Variants in MSRA observed in about 807,000 individuals in gnomAD.
The protein encoded by MSRA is methionine sulfoxide reductase A.
MSRA carries 54 observed loss-of-function variants against 31.3 expected under a neutral mutation model. That is an observed-to-expected ratio of 1.73 (90% CI 1.39 to 2.17). The LOEUF is 2.17. Ranked by LOEUF, MSRA falls within the 30% of genes most tolerant of loss-of-function variation. The pLI, the probability that MSRA is intolerant of heterozygous loss-of-function variation, is 0.00. For synonymous variants in MSRA, 169 were observed against 116.5 expected, an observed-to-expected ratio of 1.45 and a Z score of -2.90; for missense variants, 507 against 300.9, an observed-to-expected ratio of 1.69 and a Z score of -5.07.
Position 10,211,614 on chromosome 8 carries a change from G to C in MSRA, c.211+3713G>C, listed in dbSNP as rs1479269652. ...TTGGCTCTCACCCATTTGATCTTTAGAGCGCCCGCCCTGTGTAGTGGGCAT... is the reference window on the plus strand; with the variant it reads ...TTGGCTCTCACCCATTTGATCTTTACAGCGCCCGCCCTGTGTAGTGGGCAT... On this transcript the variant is annotated intron_variant, in intron 2 of 5. Transcript: ENST00000317173. Among the ~76,000 whole-genome samples the C allele has an allele frequency of 2.0e-5, 3 of 152,188 alleles. No individual in the cohort carries two copies. In the East Asian group the frequency reaches 5.8e-4, roughly 29 times the overall value.
chr8:10,096,405 T>A, intron 1 of MSRA: 1 of 513,952 alleles, frequency 1.9e-6, no homozygotes, highest in Non-Finnish European at 2.5e-6. Context: ...CTAAGAGATG[T>A]ATGCGATTAG....
chr8:10,428,110 A>G (rs760942085), intron 5 of MSRA, 38 bp from the exon 6 acceptor site: 1 of 1,595,190 alleles, frequency 6.3e-7, no homozygotes, highest in East Asian at 2.2e-5. Flanking sequence ...CTGTCTCTCT[A>G]GCATGGGAGC....
At chr8:10,369,375 G>A (rs1350517675) in intron 5 of MSRA, among the ~76,000 whole-genome samples, 1 of 152,076 alleles carries the variant, frequency 6.6e-6, no homozygotes, top group Non-Finnish European at 1.5e-5. Context: ...TAATGGTTGA[G>A]TGCTTTAATT....
intron 1 of MSRA, among the ~76,000 whole-genome samples, chr8:10,122,859 C>A (rs1801226808): frequency 6.6e-6 from 1 of 152,186 alleles, no homozygotes; most frequent in Non-Finnish European, 1.5e-5. Context: ...CTGCGAAAGA[C>A]ATGATGTCGT....
At chr8:10,157,122 A>G (rs1442004991) in intron 1 of MSRA, among the ~76,000 whole-genome samples, 1 of 151,970 alleles carries the variant, frequency 6.6e-6, no homozygotes, top group Non-Finnish European at 1.5e-5. Context: ...ATTTACCTAT[A>G]TGTTCATCCT....
intron 5 of MSRA, among the ~76,000 whole-genome samples, chr8:10,386,102 G>T (rs1806375343): frequency 6.6e-6 from 1 of 152,206 alleles, no homozygotes. Flanking sequence ...TGAAGTGCCT[G>T]TGTGCCATTG....
chr8:10,227,809 T>C (rs1360529875), intron 2 of MSRA, among the ~76,000 whole-genome samples: 1 of 152,264 alleles, frequency 6.6e-6, no homozygotes, highest in African/African-American at 2.4e-5. Context: ...ATATGGTTTC[T>C]TTTATTAGCA....
At chr8:10,343,034 C>G (rs956736337) in intron 5 of MSRA, among the ~76,000 whole-genome samples, 5 of 107,732 alleles carry the variant, frequency 4.6e-5, no homozygotes, top group Admixed American at 2.4e-4. Context: ...CACACACACA[C>G]ACACACACAC....
chr8:10,403,397 T>C (rs1807587821), intron 5 of MSRA, among the ~76,000 whole-genome samples: 2 of 152,160 alleles, frequency 1.3e-5, no homozygotes, highest in Non-Finnish European at 2.9e-5. Flanking sequence ...ATGCCATACT[T>C]GCTGGAAGCT....
At chr8:10,359,928 C>A (rs1804744977) in intron 5 of MSRA, among the ~76,000 whole-genome samples, 1 of 152,146 alleles carries the variant, frequency 6.6e-6, no homozygotes, top group African/African-American at 2.4e-5. Flanking sequence ...TGCAGCTGGC[C>A]CTCTGAGATG....
intron 5 of MSRA, among the ~76,000 whole-genome samples, chr8:10,407,974 A>G (rs1330774469): frequency 2.0e-5 from 3 of 152,180 alleles, no homozygotes; most frequent in Non-Finnish European, 4.4e-5. Context: ...TAGGATTGCA[A>G]AGAAGAACCA....
At chr8:10,279,934 A>C (rs1799530383) in intron 3 of MSRA, among the ~76,000 whole-genome samples, 1 of 152,174 alleles carries the variant, frequency 6.6e-6, no homozygotes, top group Non-Finnish European at 1.5e-5. Flanking sequence ...ATTCTGTTGA[A>C]TTTACCTCTA....
chr8:10,274,725 T>C (rs1436816917), intron 3 of MSRA, among the ~76,000 whole-genome samples: 2 of 152,036 alleles, frequency 1.3e-5, no homozygotes, highest in Non-Finnish European at 2.9e-5. Flanking sequence ...ATGTATCCAC[T>C]CATCCATCTG....
chr8:10,220,150 A>G (rs1810368913), intron 2 of MSRA, among the ~76,000 whole-genome samples: 1 of 152,226 alleles, frequency 6.6e-6, no homozygotes, highest in South Asian at 2.1e-4. Context: ...TTCTATGTCC[A>G]TAACCACTAG....
chr8:10,317,342 C>T (rs1473107078), intron 4 of MSRA, among the ~76,000 whole-genome samples: 1 of 152,146 alleles, frequency 6.6e-6, no homozygotes, highest in East Asian at 1.9e-4. Context: ...AGAGTTGGTA[C>T]CCAAAGATGA....
chr8:10,413,740 G>A (rs996839922), intron 5 of MSRA, among the ~76,000 whole-genome samples: 2 of 151,902 alleles, frequency 1.3e-5, no homozygotes, highest in Non-Finnish European at 2.9e-5. Context: ...CTGAGTTGGC[G>A]GAAGAAAGAA....
At chr8:10,250,292 G>A (rs1797848269) in intron 3 of MSRA, 1 of 602,476 alleles carries the variant, frequency 1.7e-6, no homozygotes. Context: ...AATATGAAAA[G>A]ACATTCTGCA....
intron 3 of MSRA, among the ~76,000 whole-genome samples, chr8:10,282,568 G>A (rs779047933): frequency 5.3e-5 from 8 of 152,296 alleles, no homozygotes; most frequent in Middle Eastern, 3.4e-3. Context: ...CGGTGACAGA[G>A]CAGCCATAGT....
At chr8:10,339,531 CTTTTTTTTTTTTTT>C (rs774034241) in intron 5 of MSRA, among the ~76,000 whole-genome samples, 5 of 72,834 alleles carry the variant, frequency 6.9e-5, no homozygotes, top group African/African-American at 2.5e-4. Context: ...TTCTTTCTTT[CTTTTTTTTTTTTTT>C]TTTTTTTTTT....
Sources: gnomAD v4.1 joint callset for allele counts (sites outside exome capture counted in the v4.1 genomes callset) on GRCh38, gnomAD v4.1.1 for gene constraint, MANE v1.5 for transcripts, NCBI Gene and HGNC (gene_info 2026-07-23, HGNC 2026-07-21) for gene names.